Variants in AIFM2 observed in about 807,000 individuals in gnomAD.
AIFM2 encodes the protein AIF family member 2, ferroptosis suppressor, also known as ferroptosis suppressor protein 1.
Under a neutral mutation model 35.7 loss-of-function variants are expected in AIFM2, and 38 were observed. The ratio of observed to expected loss-of-function variants is 1.06; its 90% CI spans 0.82 to 1.39. The LOEUF (loss-of-function observed/expected upper bound fraction) is 1.39, where lower values mean the gene tolerates loss of function less well. Ranked by LOEUF, AIFM2 falls within the 40% of genes most tolerant of loss-of-function variation. The pLI, the probability that AIFM2 is intolerant of heterozygous loss-of-function variation, is 0.00. For synonymous variants in AIFM2, 185 were observed against 203.5 expected (o/e 0.91, Z 0.77); for missense variants, 476 against 491.2 (o/e 0.97, Z 0.29).
rs1347144822 is a variant in AIFM2 at position 70,121,571 on chromosome 10, G to A, written c.295-360C>T. On this transcript the variant is annotated intron_variant, in intron 3 of 8. Coordinates refer to ENST00000307864, the MANE Select transcript of AIFM2 (RefSeq NM_032797.6). Reference sequence around the variant, plus strand: ...CACGGGAGTTAGCTCAGAACCTCCCGGGTGTTTTAGAAGAACCCTCCTCCT... The same window carrying A: ...CACGGGAGTTAGCTCAGAACCTCCCAGGTGTTTTAGAAGAACCCTCCTCCT... Among the ~76,000 whole-genome samples the A allele has an allele frequency of 5.3e-5, 8 of 152,156 alleles. No homozygotes were observed. The East Asian group carries it at 5.8e-4, about 11-fold the overall frequency.
intron 3 of AIFM2, 85 bp downstream of exon 3, chr10:70,123,320 A>G (rs1427941830): frequency 8.4e-7 from 1 of 1,194,566 alleles, no homozygotes; most frequent in Non-Finnish European, 1.2e-6. Context: ...CCCCCAGCCT[A>G]GCTCTCTCTT....
At chr10:70,116,157 A>G (rs1454365831) in intron 7 of AIFM2, among the ~76,000 whole-genome samples, 1 of 152,208 alleles carries the variant, frequency 6.6e-6, no homozygotes, top group Non-Finnish European at 1.5e-5. Flanking sequence ...CCAGCCAGCT[A>G]AATACGCAAA....
At chr10:70,128,483 C>CA (rs1345168316) in intron 1 of AIFM2, among the ~76,000 whole-genome samples, 1 of 152,224 alleles carries the variant, frequency 6.6e-6, no homozygotes, top group African/African-American at 2.4e-5. Context: ...CTCAGCCTCC[C>CA]AGGTAGCTGG....
chr10:70,121,826 T>C (rs1272735424), intron 3 of AIFM2, among the ~76,000 whole-genome samples: 7 of 143,356 alleles, frequency 4.9e-5, no homozygotes, highest in Non-Finnish European at 7.4e-5. Context: ...GCACAGTGGC[T>C]CACACCTGTA....
At position 70,121,223 on chromosome 10, in the gene AIFM2, C is replaced by CAAAAA. The variant is rs35599207; in HGVS notation, c.295-17_295-13dup. 722 of 664,698 alleles carry CAAAAA rather than the reference C, an allele frequency of 1.1e-3. 2 individuals are homozygous for CAAAAA. The highest frequency in any genetic ancestry group is 1.1e-3 in the Non-Finnish European group (651 of 567,808). The allele number at this position is 664,698 out of a possible 1,614,324, so 41.2% of individuals were successfully genotyped here. A position where few individuals can be genotyped will look rare whatever the true frequency, so the allele number is the denominator to read the frequency against. On this transcript the variant is annotated splice_polypyrimidine_tract_variant and intron_variant, in intron 3 of 8. Transcript: ENST00000307864. ...GAGAAGGGCAGGGCCTGAGAGAAACCAAAAAAAAAAAAAAAAAAAAAAAAA... is the reference window on the plus strand; with the variant it reads ...GAGAAGGGCAGGGCCTGAGAGAAACCAAAAAAAAAAAAAAAAAAAAAAAAAAAAAA...
At chr10:70,123,347 G>T in intron 3 of AIFM2, 58 bp downstream of exon 3, 1 of 1,460,016 alleles carries the variant, frequency 6.8e-7, no homozygotes, top group Non-Finnish European at 9.6e-7. Context: ...GGAGGATCCC[G>T]CCCAGGCCCT....
Position 70,112,380 on chromosome 10 carries a change from C to G in AIFM2, c.*1798G>C, listed in dbSNP as rs927741546. On this transcript the variant is annotated 3_prime_UTR_variant, in exon 9 of 9. Coordinates refer to ENST00000307864, the MANE Select transcript of AIFM2 (RefSeq NM_032797.6). ...TAAGTCAATAGAAGAAGGCCTGTCG[C>G]TCACACACTGGGATTCCCACCTCGC... 1.3e-5 allele frequency: 2 copies of G among 152,250 alleles called. No homozygotes were observed. The highest frequency in any genetic ancestry group is 2.9e-5 in the Non-Finnish European group (2 of 68,046). 9.4% of individuals were successfully genotyped at this position (152,250 alleles called of 1,614,324 possible).
chr10:70,120,353 G>A (rs182683855), intron 5 of AIFM2, among the ~76,000 whole-genome samples, 154 bp downstream of exon 5: 4 of 152,300 alleles, frequency 2.6e-5, no homozygotes, highest in African/African-American at 9.6e-5. Flanking sequence ...ATCCCCTATA[G>A]AATCACACCT....
rs985538505 is a variant in AIFM2, at chr10:70,132,808, T to A, written c.-88A>T. The A allele has an allele frequency of 2.0e-5, 3 of 149,482 alleles. No individual in the cohort carries two copies. The highest frequency in any genetic ancestry group is 7.8e-5 in the African/African-American group (3 of 38,354). The allele number at this position is 149,482 out of a possible 1,614,324, so 9.3% of individuals were successfully genotyped here. A position where few individuals can be genotyped will look rare whatever the true frequency, so the allele number is the denominator to read the frequency against. On this transcript the variant is annotated 5_prime_UTR_variant, in exon 1 of 9. Coordinates refer to ENST00000307864, the MANE Select transcript of AIFM2 (RefSeq NM_032797.6). ...GCTCCCGCTTGGTCGTCTTCCCGAG[T>A]TACTGACCCGAGGCGCTCCCGGGCG...
rs891419079 is a variant in AIFM2, at chr10:70,112,795, T to C, written c.*1383A>G. 6.6e-6 allele frequency: 1 copy of C among 152,222 alleles called. No individual in the cohort carries two copies. The highest frequency in any genetic ancestry group is 2.4e-5 in the African/African-American group (1 of 41,450). 9.4% of individuals were successfully genotyped at this position (152,222 alleles called of 1,614,324 possible). On this transcript the variant is annotated 3_prime_UTR_variant, in exon 9 of 9. Coordinates refer to ENST00000307864, the MANE Select transcript of AIFM2 (RefSeq NM_032797.6). ...TCTGGATTGGAAGATCTCTCCCAAA[T>C]AGAGGAATCATTTATACACTGTAAC... is the stretch of plus-strand genomic sequence containing the variant.
At position 70,123,929 on chromosome 10, in the gene AIFM2, A is replaced by G. The variant is rs1208651906; in HGVS notation, c.156T>C (p.Ala52=). 6.3e-7 allele frequency: 1 copy of G among 1,596,392 alleles called. No individual in the cohort carries two copies. Among genetic ancestry groups the G allele is most frequent in the Non-Finnish European group, 8.6e-7 (1 of 1,167,850 alleles). ...TACCTGTCTCCACGGAGGCTCGGAG[A>G]GCAGCCACATTGTGGTGGAAGGAGT... ...MKDSFHHNVA[A]LRASVETGFA... Residue 52 remains alanine, a synonymous_variant, in exon 2 of 9, where the codon GCT becomes GCC. Transcript: ENST00000307864.
At chr10:70,120,210 G>A (rs936530519) in intron 5 of AIFM2, among the ~76,000 whole-genome samples, 8 of 152,362 alleles carry the variant, frequency 5.3e-5, no homozygotes, top group South Asian at 2.1e-4. Flanking sequence ...CAGAAGTTCC[G>A]CTTTTGCAAG....
Position 70,117,651 on chromosome 10 carries a change from G to A in AIFM2, c.616+161C>T, listed in dbSNP as rs1289107451. On this transcript the variant is annotated intron_variant, in intron 6 of 8. Coordinates refer to ENST00000307864, the MANE Select transcript of AIFM2 (RefSeq NM_032797.6). The surrounding 1 kb of genome is among the most constrained non-coding windows in gnomAD (Gnocchi z 4.7). ...GGCTCAGATGGGCTTTGATGTTCACGGCCTCTTCTGAGCGCTTCATGCTCC... is the reference window on the plus strand; with the variant it reads ...GGCTCAGATGGGCTTTGATGTTCACAGCCTCTTCTGAGCGCTTCATGCTCC... Among the ~76,000 whole-genome samples the A allele has an allele frequency of 6.6e-6, 1 of 152,142 alleles. No individual in the cohort carries two copies. Among genetic ancestry groups the A allele is most frequent in the Non-Finnish European group, 1.5e-5 (1 of 68,030 alleles).
rs779690961 is a variant in AIFM2 at position 70,116,778 on chromosome 10, G to A, written c.617-4C>T. ...TCCAGATTGCTCACCCGCTCACCTA[G>A]AAGGGGGTTCATGACCAGGAGGCTG... is the stretch of plus-strand genomic sequence containing the variant. On this transcript the variant is annotated splice_polypyrimidine_tract_variant and splice_region_variant and intron_variant, in intron 6 of 8. Coordinates refer to ENST00000307864, the MANE Select transcript of AIFM2 (RefSeq NM_032797.6). 8 of 1,613,704 alleles carry A rather than the reference G, an allele frequency of 5.0e-6. No homozygotes were observed. The East Asian group carries it at 1.3e-4, about 27-fold the overall frequency.
chr10:70,112,306 C>T lies in AIFM2; in HGVS notation c.*1872G>A, dbSNP rs1460554796. On this transcript the variant is annotated 3_prime_UTR_variant, in exon 9 of 9. Transcript: ENST00000307864. ...CATATTCTTTTATTGCAACATTTTC[C>T]TCAGTTTGGAAAACTGTGTCCCCAC... 1 of 152,122 alleles carries T rather than the reference C, an allele frequency of 6.6e-6. No homozygotes were observed. The highest frequency in any genetic ancestry group is 2.4e-5 in the African/African-American group (1 of 41,398). 9.4% of individuals were successfully genotyped at this position (152,122 alleles called of 1,614,324 possible).
At position 70,112,751 on chromosome 10, in the gene AIFM2, G is replaced by A. The variant is rs963777015; in HGVS notation, c.*1427C>T. On this transcript the variant is annotated 3_prime_UTR_variant, in exon 9 of 9. Coordinates refer to ENST00000307864, the MANE Select transcript of AIFM2 (RefSeq NM_032797.6). Reference sequence around the variant, plus strand: ...CTTCTGCTATGCAGATTTAACCCAGGCAGTCCAAGAGGGGCTCCTCTGGAT... The same window carrying A: ...CTTCTGCTATGCAGATTTAACCCAGACAGTCCAAGAGGGGCTCCTCTGGAT... The A allele has an allele frequency of 8.5e-5, 13 of 152,394 alleles. No individual in the cohort carries two copies. Among genetic ancestry groups the A allele is most frequent in the African/African-American group, 2.9e-4 (12 of 41,578 alleles). The allele number at this position is 152,394 out of a possible 1,614,324, so 9.4% of individuals were successfully genotyped here. A position where few individuals can be genotyped will look rare whatever the true frequency, so the allele number is the denominator to read the frequency against.
intron 1 of AIFM2, among the ~76,000 whole-genome samples, chr10:70,126,774 G>T (rs73273544): frequency 0.06 from 9,191 of 152,272 alleles, 737 homozygotes; most frequent in African/African-American, 0.18. Flanking sequence ...GCGGACAGTA[G>T]AGCGGACGGA....
rs2072404070 is a variant in AIFM2, at chr10:70,113,944, G to A, written c.*234C>T. 2 of 531,100 alleles carry A rather than the reference G, an allele frequency of 3.8e-6. No homozygotes were observed. The highest frequency in any genetic ancestry group is 6.5e-6 in the Non-Finnish European group (2 of 307,294). The allele number at this position is 531,100 out of a possible 1,614,324, so 32.9% of individuals were successfully genotyped here. A position where few individuals can be genotyped will look rare whatever the true frequency, so the allele number is the denominator to read the frequency against. On this transcript the variant is annotated 3_prime_UTR_variant, in exon 9 of 9. Transcript: ENST00000307864. ...CCAGCACACATGAGCCGCTCACCCA[G>A]TACCACAGCAAGCACACCTTCCAAA...
Position 70,120,615 on chromosome 10 carries a change from T to C in AIFM2, c.415-16A>G. On this transcript the variant is annotated splice_polypyrimidine_tract_variant and intron_variant, in intron 4 of 8. Transcript: ENST00000307864. ...AGCGCTGGACCTGGAGAAGAGGACA[T>C]GTGAAACAGGGACATATGAAACACA... is the stretch of plus-strand genomic sequence containing the variant. 2 of 1,613,756 alleles carry C rather than the reference T, an allele frequency of 1.2e-6. No homozygotes were observed. The highest frequency in any genetic ancestry group is 1.7e-6 in the Non-Finnish European group (2 of 1,179,836).
Sources: gnomAD v4.1 joint callset for allele counts (sites outside exome capture counted in the v4.1 genomes callset) on GRCh38, gnomAD v4.1.1 for gene constraint, Gnocchi (gnomAD v3.1) non-coding constraint, MANE v1.5 for transcripts, NCBI Gene and HGNC (gene_info 2026-07-23, HGNC 2026-07-21) for gene names.